The following NRXN3 variants were observed in gnomAD, a reference collection of about 807,000 sequenced individuals.
NRXN3 encodes neurexin 3, also known as neurexin III.
In NRXN3, 32 loss-of-function variants were observed where a neutral mutation model predicts 137.6. The ratio of observed to expected loss-of-function variants is 0.23; its 90% CI spans 0.18 to 0.31. The LOEUF (loss-of-function observed/expected upper bound fraction) is 0.31. Among genes scored for constraint, NRXN3 ranks in the 10% least tolerant of loss-of-function variants. The pLI, the probability that NRXN3 is intolerant of heterozygous loss-of-function variation, is 1.00. For synonymous variants in NRXN3, 798 were observed against 784.5 expected, an observed-to-expected ratio of 1.02 and a Z score of -0.29; for missense variants, 1,574 against 2,062.5, an observed-to-expected ratio of 0.76 and a Z score of 4.59.
At chr14:79,577,992 C>A (rs2097681166) in intron 16 of NRXN3, among the ~76,000 whole-genome samples, 1 of 152,176 alleles carries the variant, frequency 6.6e-6, no homozygotes, top group South Asian at 2.1e-4. Context: ...ATTATACCAA[C>A]TCTAGGTGAA....
rs1229106899 is a variant in NRXN3, at chr14:78,484,027, C to CACACAG, written c.758-161092_758-161091insCACAGA. On this transcript the variant is annotated intron_variant, in intron 4 of 20. Transcript: ENST00000335750. ...ACACACACACACACACACACACACA[C>CACACAG]AGAGAGAGAGAGAGAGAGAGAGCAA... 3.0e-3 allele frequency among the ~76,000 whole-genome samples: 418 copies of CACACAG among 137,080 alleles called. 1 individual carries two copies. Among genetic ancestry groups the CACACAG allele is most frequent in the African/African-American group, 9.1e-3 (312 of 34,472 alleles). 89.9% of individuals were successfully genotyped at this position (137,080 alleles called of 152,430 possible).
chr14:79,240,408 G>A (rs2074090396), intron 15 of NRXN3, among the ~76,000 whole-genome samples: 1 of 152,008 alleles, frequency 6.6e-6, no homozygotes, highest in East Asian at 1.9e-4. Flanking sequence ...ATTCACCCTG[G>A]AATACTCTTA....
intron 20 of NRXN3, among the ~76,000 whole-genome samples, chr14:79,806,963 T>TATATATATATA (rs59533138): frequency 3.1e-4 from 6 of 19,630 alleles, no homozygotes; most frequent in African/African-American, 1.1e-3. Flanking sequence ...TATATATATA[T>TATATATATATA]TTTTTTTTTT....
At chr14:78,919,486 C>T (rs186302795) in intron 10 of NRXN3, among the ~76,000 whole-genome samples, 7 of 152,258 alleles carry the variant, frequency 4.6e-5, no homozygotes, top group African/African-American at 1.7e-4. Flanking sequence ...TCTAAAATAT[C>T]AAATGGTCAT....
rs2097639557 is a variant in NRXN3, at chr14:78,641,997, A to G, written c.758-3123A>G. Reference sequence around the variant, plus strand: ...ATACAGATCTAAGGGCTGAAAGGGAAACATTTCTTTTGGTGAATGAGTGAT... The same window carrying G: ...ATACAGATCTAAGGGCTGAAAGGGAGACATTTCTTTTGGTGAATGAGTGAT... On this transcript the variant is annotated intron_variant, in intron 4 of 20. Transcript: ENST00000335750. 3.9e-5 allele frequency among the ~76,000 whole-genome samples: 6 copies of G among 152,200 alleles called. No homozygotes were observed. The South Asian group carries it at 1.2e-3, about 32-fold the overall frequency.
chr14:79,802,649 T>C (rs934580111), intron 19 of NRXN3, among the ~76,000 whole-genome samples: 1 of 152,154 alleles, frequency 6.6e-6, no homozygotes, highest in Non-Finnish European at 1.5e-5. Flanking sequence ...CCTCTTATAA[T>C]TGCCGTATTT....
chr14:79,134,508 G>T (rs1228495626), intron 15 of NRXN3, among the ~76,000 whole-genome samples: 1 of 152,150 alleles, frequency 6.6e-6, no homozygotes, highest in East Asian at 1.9e-4. Flanking sequence ...ACTTTCACTG[G>T]CACTCTTTTT....
chr14:79,099,676 A>G (rs997060075), intron 15 of NRXN3, among the ~76,000 whole-genome samples: 2 of 152,318 alleles, frequency 1.3e-5, no homozygotes, highest in South Asian at 4.1e-4. Context: ...GAGACATGAG[A>G]CATTGACTGT....
chr14:79,050,641 A>G (rs1176782619), intron 15 of NRXN3, among the ~76,000 whole-genome samples: 1 of 152,226 alleles, frequency 6.6e-6, no homozygotes, highest in Non-Finnish European at 1.5e-5. Flanking sequence ...TTAGAATTTC[A>G]GGGCCGGTTG....
At chr14:79,750,234 G>A (rs1232178350) in intron 19 of NRXN3, among the ~76,000 whole-genome samples, 1 of 152,132 alleles carries the variant, frequency 6.6e-6, no homozygotes, top group Non-Finnish European at 1.5e-5. Flanking sequence ...AGCCTGTATA[G>A]TGGTGAGTCT....
chr14:78,947,135 T>A (rs939413147), intron 10 of NRXN3, among the ~76,000 whole-genome samples: 3 of 152,300 alleles, frequency 2.0e-5, no homozygotes, highest in Admixed American at 2.0e-4. Flanking sequence ...ATACACCAGA[T>A]GCTAAGAGGA....
intron 1 of NRXN3, among the ~76,000 whole-genome samples, chr14:78,225,971 GT>G (rs869125947): frequency 1.2e-3 from 129 of 111,586 alleles, no homozygotes; most frequent in South Asian, 3.8e-3. Flanking sequence ...GTGTGTGTGT[GT>G]TGGTGTGTGT....
At chr14:78,405,699 A>G (rs1013565052) in intron 4 of NRXN3, among the ~76,000 whole-genome samples, 1 of 152,090 alleles carries the variant, frequency 6.6e-6, no homozygotes, top group Admixed American at 6.5e-5. Flanking sequence ...GACAGATGCT[A>G]TGCTTGCTGG....
chr14:79,822,350 A>C (rs2099275155), intron 20 of NRXN3, among the ~76,000 whole-genome samples: 1 of 152,172 alleles, frequency 6.6e-6, no homozygotes, highest in Admixed American at 6.6e-5. Flanking sequence ...CACAAAGTCA[A>C]ACTTACAGAA....
intron 18 of NRXN3, among the ~76,000 whole-genome samples, chr14:79,696,076 T>C (rs1474957346): frequency 1.3e-5 from 2 of 151,968 alleles, no homozygotes; most frequent in Admixed American, 1.3e-4. Flanking sequence ...CTAAGGAGTA[T>C]CCTCTGATCG....
intron 19 of NRXN3, among the ~76,000 whole-genome samples, chr14:79,746,072 G>T (rs952829827): frequency 6.6e-6 from 1 of 152,014 alleles, no homozygotes; most frequent in East Asian, 1.9e-4. Flanking sequence ...TTTTTGGGTG[G>T]AACAAAATTC....
chr14:78,694,419 A>T (rs527801164), intron 6 of NRXN3, among the ~76,000 whole-genome samples: 1 of 151,960 alleles, frequency 6.6e-6, no homozygotes, highest in Non-Finnish European at 1.5e-5. Context: ...TGTATATAAT[A>T]GTTGATCAAT....
chr14:78,656,125 C>T (rs1266196022), intron 6 of NRXN3, among the ~76,000 whole-genome samples: 21 of 152,098 alleles, frequency 1.4e-4, no homozygotes, highest in Admixed American at 1.4e-3. Context: ...ATATATCCCC[C>T]AAACCTATAA....
intron 10 of NRXN3, among the ~76,000 whole-genome samples, chr14:78,869,163 T>C (rs945753141): frequency 2.0e-5 from 3 of 152,156 alleles, no homozygotes; most frequent in Non-Finnish European, 4.4e-5. Flanking sequence ...AGCAAAGCCA[T>C]GAAGTTTGGA....
Sources: allele counts gnomAD v4.1 joint callset (sites outside exome capture counted in the v4.1 genomes callset), GRCh38; gene constraint gnomAD v4.1.1; transcripts MANE v1.5; gene names NCBI Gene and HGNC (gene_info 2026-07-23, HGNC 2026-07-21).